CLEC4A: variants seen among roughly 807,000 people sequenced by gnomAD.
The protein encoded by CLEC4A is C-type (calcium dependent, carbohydrate-recognition domain) lectin, superfamily member 6.
Under a neutral mutation model 32.7 loss-of-function variants are expected in CLEC4A, and 27 were observed. The observed-to-expected ratio is 0.83, with a 90% CI of 0.61 to 1.14. CLEC4A has a LOEUF of 1.14. CLEC4A is among the 50% of genes most tolerant of loss of function. The probability of loss-of-function intolerance (pLI) is 0.00; values close to 1 mark genes in which losing one functional copy is unlikely to be tolerated. For missense variants in CLEC4A, 253 were observed against 274.6 expected (o/e 0.92, Z 0.55); for synonymous variants, 89 against 93.7 (o/e 0.95, Z 0.29).
chr12:8,135,044 TA>T (rs1565406494), intron 3 of CLEC4A, among the ~76,000 whole-genome samples: 5 of 80,616 alleles, frequency 6.2e-5, no homozygotes, highest in African/African-American at 8.7e-5. Context: ...ACAATTTTAT[TA>T]TCTTTTTTTT....
intron 2 of CLEC4A, among the ~76,000 whole-genome samples, chr12:8,127,314 G>A (rs1591607339): frequency 6.6e-6 from 1 of 152,208 alleles, no homozygotes; most frequent in South Asian, 2.1e-4. Context: ...AAGTAAGCAA[G>A]GCCTTTTGAA....
At chr12:8,128,044 G>A (rs4883073) in intron 2 of CLEC4A, among the ~76,000 whole-genome samples, 151,433 of 152,304 alleles carry the variant, frequency 0.99, 75,287 homozygotes, top group Middle Eastern at 1. Flanking sequence ...AGGTGATGCC[G>A]TGGGAATATA....
chr12:8,135,853 A>G, intron 4 of CLEC4A, 117 bp downstream of exon 4: 1 of 1,029,136 alleles, frequency 9.7e-7, no homozygotes, highest in Non-Finnish European at 1.4e-6. Flanking sequence ...AAGGCTTTCA[A>G]TAAAATAGGT....
intron 4 of CLEC4A, among the ~76,000 whole-genome samples, chr12:8,136,264 T>G (rs1948114144): frequency 6.6e-6 from 1 of 152,202 alleles, no homozygotes; most frequent in Non-Finnish European, 1.5e-5. Context: ...ATTCTGATCA[T>G]AGAAATTGCT....
chr12:8,106,675 CA>C, the CLEC4A span, among the ~76,000 whole-genome samples: 1 of 152,070 alleles, frequency 6.6e-6, no homozygotes. Context: ...AATGGAATTA[CA>C]TTTTTGATTT....
rs746369204 is a variant in CLEC4A at position 8,125,677 on chromosome 12, A to T, written c.199A>T (p.Ile67Phe). The change falls in exon 2 of 6, where the codon ATT becomes TTT. Residue 67 changes from isoleucine to phenylalanine, a missense_variant and splice_region_variant. Physicochemically the swap from Ile to Phe is conservative, Grantham distance 21 (BLOSUM62 0). Coordinates refer to ENST00000229332, the MANE Select transcript of CLEC4A (RefSeq NM_016184.4). ...LAISFFIAFV[I>F]FFQKYSQLLE... ...AATCTCATTCTTTATTGCTTTTGTCAGTAAGTATGCCAACTGAACCAATAA... is the reference window on the plus strand; with the variant it reads ...AATCTCATTCTTTATTGCTTTTGTCTGTAAGTATGCCAACTGAACCAATAA... The T allele has an allele frequency of 1.1e-5, 17 of 1,557,100 alleles. No individual in the cohort carries two copies. Among genetic ancestry groups the T allele is most frequent in the Admixed American group, 1.7e-5 (1 of 59,876 alleles).
chr12:8,128,628 C>T (rs1947941159), intron 2 of CLEC4A, among the ~76,000 whole-genome samples: 2 of 152,086 alleles, frequency 1.3e-5, no homozygotes, highest in Admixed American at 6.6e-5. Context: ...CCAGGCTAGT[C>T]TCGAACTCCT....
intron 3 of CLEC4A, among the ~76,000 whole-genome samples, chr12:8,130,389 T>C (rs1947978343): frequency 6.6e-6 from 1 of 152,110 alleles, no homozygotes; most frequent in Non-Finnish European, 1.5e-5. Flanking sequence ...ATTATTATTT[T>C]TGAGATAGGA....
At chr12:8,130,296 C>T in intron 3 of CLEC4A, among the ~76,000 whole-genome samples, 1 of 152,136 alleles carries the variant, frequency 6.6e-6, no homozygotes, top group African/African-American at 2.4e-5. Context: ...TCAGTTAAAA[C>T]CATGTGATGA....
chr12:8,103,376 G>GTTT, the CLEC4A span, among the ~76,000 whole-genome samples: 1 of 56,512 alleles, frequency 1.8e-5, no homozygotes. Flanking sequence ...TCTTTCTGTT[G>GTTT]TTTTTTTTTT....
intron 3 of CLEC4A, chr12:8,134,897 T>A (rs1948068908): frequency 2.0e-6 from 3 of 1,479,310 alleles, no homozygotes; most frequent in Admixed American, 5.2e-5. Flanking sequence ...GGTTTTTCTT[T>A]ATATCTTCTA....
chr12:8,111,978 AT>A, the CLEC4A span, among the ~76,000 whole-genome samples: 3 of 135,090 alleles, frequency 2.2e-5, no homozygotes, highest in Admixed American at 7.3e-5. Context: ...TTATTTATTT[AT>A]TTTTTTTAGA....
At chr12:8,129,242 T>C (rs1339254827) in intron 2 of CLEC4A, 22 bp from the exon 3 acceptor site, 1 of 1,396,954 alleles carries the variant, frequency 7.2e-7, no homozygotes, top group Admixed American at 2.0e-5. Context: ...GGAAAATAAA[T>C]GGTCTTTATT....
At chr12:8,125,138 A>C (rs1335129714) in intron 1 of CLEC4A, among the ~76,000 whole-genome samples, 1 of 152,170 alleles carries the variant, frequency 6.6e-6, no homozygotes, top group Non-Finnish European at 1.5e-5. Context: ...CTATGCAACC[A>C]TAATAAGGAG....
chr12:8,117,928 T>C, the CLEC4A span, among the ~76,000 whole-genome samples: 1 of 152,152 alleles, frequency 6.6e-6, no homozygotes, highest in Admixed American at 6.5e-5. Context: ...TTTACAGGTT[T>C]ATTTTGCCAA....
upstream of CLEC4A, among the ~76,000 whole-genome samples, chr12:8,118,843 G>A (rs138048626): frequency 1.9e-3 from 293 of 152,292 alleles, 1 homozygote; most frequent in African/African-American, 6.1e-3. Context: ...GGCCATGAGG[G>A]CTTTGTGGAT....
rs1242000823 is a variant in CLEC4A at position 8,138,471 on chromosome 12, T to C, written c.*184T>C. 14 of 678,490 alleles carry C rather than the reference T, an allele frequency of 2.1e-5. No individual in the cohort carries two copies. The highest frequency in any genetic ancestry group is 3.1e-5 in the Non-Finnish European group (13 of 424,328). 42.0% of individuals were successfully genotyped at this position (678,490 alleles called of 1,614,324 possible). ...CACTTTTTCATAAAGTGAGCATTTA[T>C]TGAGCATTTTTTCATGTGCCAGAGC... On this transcript the variant is annotated 3_prime_UTR_variant, in exon 6 of 6. Transcript: ENST00000229332.
At chr12:8,122,874 G>A (rs771633442), upstream of CLEC4A, among the ~76,000 whole-genome samples, 2 of 152,000 alleles carry the variant, frequency 1.3e-5, no homozygotes, top group African/African-American at 2.4e-5. Context: ...GGAATCAGCT[G>A]GGGGAGATTA....
At chr12:8,115,745 G>A in the CLEC4A span, among the ~76,000 whole-genome samples, 1 of 151,978 alleles carries the variant, frequency 6.6e-6, no homozygotes, top group East Asian at 1.9e-4. Context: ...TTTATTAACT[G>A]GAAGAAATAA....
Sources: allele counts gnomAD v4.1 joint callset (sites outside exome capture counted in the v4.1 genomes callset), GRCh38; gene constraint gnomAD v4.1.1; transcripts MANE v1.5; gene names NCBI Gene and HGNC (gene_info 2026-07-23, HGNC 2026-07-21).